PTGER3: variants seen among roughly 807,000 people sequenced by gnomAD.
PTGER3 encodes prostaglandin E receptor 3, also known as prostaglandin E2 receptor EP3 subtype.
A neutral mutation model predicts 34.7 loss-of-function variants in PTGER3; 22 were observed. That is an observed-to-expected ratio of 0.63 (90% confidence interval 0.45 to 0.91). The LOEUF (loss-of-function observed/expected upper bound fraction) is 0.91. Ranked by LOEUF, PTGER3 falls within the 40% of genes least tolerant of loss-of-function variation. The probability of loss-of-function intolerance (pLI) is 0.00; values close to 1 mark genes in which losing one functional copy is unlikely to be tolerated. For missense variants in PTGER3, 468 were observed against 519.4 expected (o/e 0.90, Z 0.96); for synonymous variants, 241 against 230.1 (o/e 1.05, Z -0.43).
chr1:70,991,340 A>G (rs979210606), intron 2 of PTGER3, among the ~76,000 whole-genome samples: 2 of 152,140 alleles, frequency 1.3e-5, no homozygotes, highest in African/African-American at 4.8e-5. Flanking sequence ...CTGACTGGTG[A>G]GACATTTCCT....
chr1:70,885,389 A>G (rs1182002930), intron 4 of PTGER3, among the ~76,000 whole-genome samples: 4 of 152,222 alleles, frequency 2.6e-5, no homozygotes, highest in Non-Finnish European at 4.4e-5. Flanking sequence ...ATGTATGTAC[A>G]TAACACTCTA....
intron 1 of PTGER3, among the ~76,000 whole-genome samples, chr1:71,036,699 T>TATG (rs1557765380): frequency 6.7e-6 from 1 of 150,012 alleles, no homozygotes. Flanking sequence ...ACTAGCCGGG[T>TATG]GTGGTGGTGG....
downstream of PTGER3, among the ~76,000 whole-genome samples, chr1:70,967,082 G>T (rs1652603174): frequency 6.6e-6 from 1 of 151,806 alleles, no homozygotes; most frequent in Admixed American, 6.6e-5. Flanking sequence ...GTCATGTCAT[G>T]CCATGTTAAA....
Position 71,025,093 on chromosome 1 carries a change from G to A in PTGER3, c.898-12609C>T, listed in dbSNP as rs75135119. ...CCACAATGAGAACACATGGCCACAG[G>A]AAGGGGAACATCATTCAATCCTTTT... On this transcript the variant is annotated intron_variant, in intron 1 of 3. Coordinates refer to ENST00000306666, the MANE Select transcript of PTGER3 (RefSeq NM_198719.2). 4.7e-3 allele frequency among the ~76,000 whole-genome samples: 538 copies of A among 113,414 alleles called. 9 individuals are homozygous for A. Among genetic ancestry groups the A allele is most frequent in the African/African-American group, 0.018 (501 of 27,838 alleles). The allele number at this position is 113,414 out of a possible 152,430, so 74.4% of individuals were successfully genotyped here.
chr1:70,885,445 T>TAC (rs1646478233), intron 4 of PTGER3, among the ~76,000 whole-genome samples: 1 of 152,222 alleles, frequency 6.6e-6, no homozygotes, highest in African/African-American at 2.4e-5. Context: ...TCCATAAGAC[T>TAC]TTATGATCTA....
At chr1:70,906,818 AT>A (rs1646958141) in intron 4 of PTGER3, among the ~76,000 whole-genome samples, 2 of 152,204 alleles carry the variant, frequency 1.3e-5, no homozygotes, top group African/African-American at 4.8e-5. Context: ...ATTTCCACAA[AT>A]TGGCTCCAAA....
chr1:71,040,979 T>C (rs1324089277), intron 1 of PTGER3, among the ~76,000 whole-genome samples: 1 of 152,186 alleles, frequency 6.6e-6, no homozygotes, highest in Non-Finnish European at 1.5e-5. Flanking sequence ...AGAAGTGCTC[T>C]GTGTAAAGAG....
chr1:71,041,623 C>G (rs943749110), intron 1 of PTGER3, among the ~76,000 whole-genome samples: 8 of 152,116 alleles, frequency 5.3e-5, no homozygotes, highest in South Asian at 2.1e-4. Context: ...AAAAGGAGGA[C>G]TAGAGAGATT....
Position 71,036,770 on chromosome 1 carries a change from C to T in PTGER3, c.897+9911G>A, listed in dbSNP as rs190164950. ...AGGAGAATGGCATGAACCCAGGAGG[C>T]GGAGCTTGCAGTGAGCCGAGATCGT... On this transcript the variant is annotated intron_variant, in intron 1 of 3. Coordinates refer to ENST00000306666, the MANE Select transcript of PTGER3 (RefSeq NM_198719.2). Among the ~76,000 whole-genome samples, 27 of 150,540 alleles carry T rather than the reference C, an allele frequency of 1.8e-4. No individual in the cohort carries two copies. In the East Asian group the frequency reaches 4.7e-3, roughly 26 times the overall value.
At chr1:71,044,022 G>A in intron 1 of PTGER3, among the ~76,000 whole-genome samples, 1 of 151,430 alleles carries the variant, frequency 6.6e-6, no homozygotes, top group East Asian at 2.0e-4. Flanking sequence ...TGGCCATGTT[G>A]GAATGCTGGT....
intron 1 of PTGER3, among the ~76,000 whole-genome samples, chr1:71,014,845 C>T (rs1657751601): frequency 6.6e-6 from 1 of 152,186 alleles, no homozygotes; most frequent in Non-Finnish European, 1.5e-5. Context: ...AGATATCTGC[C>T]CATCACAGGT....
At chr1:70,952,417 T>G, downstream of PTGER3, 1 of 985,158 alleles carries the variant, frequency 1.0e-6, no homozygotes, top group East Asian at 1.1e-4. Flanking sequence ...AAGTGGAAGT[T>G]TTTTGCCAGT....
At position 71,047,425 on chromosome 1, in the gene PTGER3, G is replaced by A. The variant is rs2101022941; in HGVS notation, c.153C>T (p.Ser51=). 1.2e-6 allele frequency: 2 copies of A among 1,611,638 alleles called. No homozygotes were observed. The highest frequency in any genetic ancestry group is 1.7e-5 in the Admixed American group (1 of 59,920). ...PGSGEDCGSV[S]VAFPITMLLT... is the part of the protein sequence containing the mutation. ...GCAGCATGGTGATCGGGAAGGCCAC[G>A]GACACCGATCCGCAATCCTCGCCAG... The change falls in exon 1 of 4, where the codon TCC becomes TCT. Residue 51 remains serine (S), a synonymous_variant. Transcript: ENST00000306666.
downstream of PTGER3, among the ~76,000 whole-genome samples, chr1:70,950,560 T>C (rs948525676): frequency 2.0e-5 from 3 of 152,128 alleles, no homozygotes; most frequent in African/African-American, 7.2e-5. Context: ...TAAAAACATA[T>C]AAGAAAGTCA....
intron 2 of PTGER3, among the ~76,000 whole-genome samples, chr1:71,000,919 G>T (rs1255965712): frequency 6.6e-6 from 1 of 152,170 alleles, no homozygotes; most frequent in African/African-American, 2.4e-5. Flanking sequence ...ATGGGAGAAT[G>T]GGTGAGGAGA....
intron 4 of PTGER3, among the ~76,000 whole-genome samples, chr1:70,945,785 C>G (rs1198900331): frequency 1.3e-5 from 2 of 151,930 alleles, no homozygotes; most frequent in Non-Finnish European, 2.9e-5. Flanking sequence ...AAGCATATTT[C>G]TTATTTTGGA....
At chr1:70,935,693 A>ATATATATATATT (rs1491421864) in intron 4 of PTGER3, among the ~76,000 whole-genome samples, 20 of 140,766 alleles carry the variant, frequency 1.4e-4, no homozygotes, top group African/African-American at 4.4e-4. Context: ...ATATATATAT[A>ATATATATATATT]TGTTCTGCTT....
At chr1:70,905,648 G>T (rs1557644919) in intron 4 of PTGER3, among the ~76,000 whole-genome samples, 1 of 152,036 alleles carries the variant, frequency 6.6e-6, no homozygotes, top group Non-Finnish European at 1.5e-5. Flanking sequence ...ATTGGGAGTG[G>T]CTGTATCTAC....
At chr1:70,870,376 TG>T (rs556455171) in intron 4 of PTGER3, among the ~76,000 whole-genome samples, 66 of 152,356 alleles carry the variant, frequency 4.3e-4, no homozygotes, top group African/African-American at 1.6e-3. Context: ...GTCTCTGAAA[TG>T]CTTTCAAAAT....
Sources: gnomAD v4.1 joint callset for allele counts (sites outside exome capture counted in the v4.1 genomes callset) on GRCh38, gnomAD v4.1.1 for gene constraint, MANE v1.5 for transcripts, NCBI Gene and HGNC (gene_info 2026-07-23, HGNC 2026-07-21) for gene names.